Variants in MYO9A observed in about 807,000 individuals in gnomAD.
MYO9A encodes the protein myosin IXA, also known as unconventional myosin-IXa.
Under a neutral mutation model 293.3 loss-of-function variants are expected in MYO9A, and 103 were observed. The ratio of observed to expected loss-of-function variants is 0.35; its 90% CI spans 0.30 to 0.41. The LOEUF (loss-of-function observed/expected upper bound fraction) is 0.41. MYO9A is among the 10% of genes least tolerant of loss of function. The pLI is 1.00. For synonymous variants in MYO9A, 1,001 were observed against 1,035.7 expected, an observed-to-expected ratio of 0.97 and a Z score of 0.64; for missense variants, 2,685 against 3,033.0, an observed-to-expected ratio of 0.89 and a Z score of 2.69.
chr15:72,100,391 G>A (rs2080235399), intron 1 of MYO9A, among the ~76,000 whole-genome samples: 2 of 152,144 alleles, frequency 1.3e-5, no homozygotes, highest in African/African-American at 4.8e-5. Flanking sequence ...CCCCGTCTGG[G>A]AAGTGAGGAG....
intron 1 of MYO9A, among the ~76,000 whole-genome samples, chr15:72,064,262 G>C (rs942242115): frequency 1.3e-5 from 2 of 152,060 alleles, no homozygotes; most frequent in African/African-American, 4.8e-5. Context: ...ACAAAAGGGT[G>C]ACTACGGTCA....
intron 18 of MYO9A, among the ~76,000 whole-genome samples, chr15:71,925,755 G>A (rs2058295752): frequency 6.6e-6 from 1 of 151,986 alleles, no homozygotes; most frequent in South Asian, 2.1e-4. Context: ...TGTAGCTATA[G>A]ACATCACTTA....
chr15:72,038,555 T>C (rs906737088), intron 2 of MYO9A, among the ~76,000 whole-genome samples: 2 of 152,194 alleles, frequency 1.3e-5, no homozygotes, highest in African/African-American at 2.4e-5. Context: ...ACAGATCCAC[T>C]GACTGCTCCC....
intron 1 of MYO9A, among the ~76,000 whole-genome samples, chr15:72,075,920 A>G (rs2079335945): frequency 6.6e-6 from 1 of 152,222 alleles, no homozygotes; most frequent in East Asian, 1.9e-4. Context: ...TACTGTTACC[A>G]CTTCTGTTCA....
At chr15:72,099,420 CCCAAAAAAA>C (rs1476926484) in intron 1 of MYO9A, among the ~76,000 whole-genome samples, 12 of 27,848 alleles carry the variant, frequency 4.3e-4, no homozygotes, top group South Asian at 1.2e-3. Flanking sequence ...AAGACCCTGC[CCCAAAAAAA>C]AAAAAAAAAA....
chr15:71,852,334 A>T, intron 35 of MYO9A, 74 bp from the exon 36 acceptor site: 1 of 1,321,968 alleles, frequency 7.6e-7, no homozygotes, highest in Non-Finnish European at 1.0e-6. Context: ...TTTAGAAACT[A>T]TCATCATTAA....
At chr15:72,010,989 TTATATAGATC>T (rs1278191069) in intron 6 of MYO9A, among the ~76,000 whole-genome samples, 2 of 152,048 alleles carry the variant, frequency 1.3e-5, no homozygotes, top group Non-Finnish European at 2.9e-5. Flanking sequence ...TAATCTATAT[TTATATAGATC>T]TATATAGATA....
intron 18 of MYO9A, among the ~76,000 whole-genome samples, 199 bp downstream of exon 18, chr15:71,933,471 A>C (rs2058538266): frequency 6.6e-6 from 1 of 152,150 alleles, no homozygotes; most frequent in Non-Finnish European, 1.5e-5. Flanking sequence ...TATATCACAA[A>C]TAAATATTTA....
intron 18 of MYO9A, among the ~76,000 whole-genome samples, chr15:71,923,048 T>C (rs2058196478): frequency 6.6e-6 from 1 of 152,170 alleles, no homozygotes; most frequent in Admixed American, 6.5e-5. Context: ...TATGTTGAGG[T>C]ACATCTGTTC....
intron 2 of MYO9A, among the ~76,000 whole-genome samples, chr15:72,033,455 A>T (rs1348002671): frequency 6.6e-6 from 1 of 152,228 alleles, no homozygotes. Context: ...CGTCACCCAA[A>T]GTATGTACCT....
At chr15:71,872,144 T>C (rs2056533508) in intron 32 of MYO9A, among the ~76,000 whole-genome samples, 1 of 152,092 alleles carries the variant, frequency 6.6e-6, no homozygotes, top group African/African-American at 2.4e-5. Flanking sequence ...ATTGACACCA[T>C]TGCCTGTATC....
chr15:71,974,126 C>CA (rs35772609), intron 12 of MYO9A, among the ~76,000 whole-genome samples: 4,505 of 151,998 alleles, frequency 0.03, 106 homozygotes, highest in African/African-American at 0.062. Context: ...AAACAAAAAC[C>CA]AAAAAACAGA....
intron 1 of MYO9A, among the ~76,000 whole-genome samples, chr15:72,078,592 T>C (rs562702079): frequency 4.0e-5 from 6 of 149,816 alleles, no homozygotes; most frequent in East Asian, 2.0e-4. Flanking sequence ...GGTGGGAGAA[T>C]TGCTTGAGCC....
Position 71,888,062 on chromosome 15 carries a change from A to T in MYO9A, c.5197T>A (p.Ser1733Thr), listed in dbSNP as rs1454759139. 6.2e-7 allele frequency: 1 copy of T among 1,611,398 alleles called. No individual in the cohort carries two copies. Among genetic ancestry groups the T allele is most frequent in the Admixed American group, 1.7e-5 (1 of 59,744 alleles). The change falls in exon 27 of 42, where the codon TCT becomes ACT. Residue 1733 changes from serine (S) to threonine (T), a missense_variant. This residue lies in a region of MYO9A where 1,434 missense variants were observed against 1,497.7 expected (regional missense o/e 0.96). Transcript: ENST00000356056. Reference protein sequence around the residue: ...DEQAKLHKTMSQGEITKLAVR... With the variant: ...DEQAKLHKTMTQGEITKLAVR... ...GCCAACTTGGTAATCTCTCCTTGAG[A>T]CATAGTCTTATGAAGTTTTGCTTGT...
At chr15:72,020,781 C>T in intron 5 of MYO9A, 137 bp downstream of exon 5, 1 of 430,006 alleles carries the variant, frequency 2.3e-6, no homozygotes, top group Non-Finnish European at 4.0e-6. Context: ...ACTGCATCAC[C>T]TAAATTTGTA....
rs903686528 is a variant in MYO9A, at chr15:71,859,661, C to A, written c.6153+74G>T. ...CTCATCTGTAAAACTATCAAAAAGG[C>A]CTTAATTTATTTCCATAAGGCACAA... On this transcript the variant is annotated intron_variant, in intron 34 of 41. Transcript: ENST00000356056. 3.4e-5 allele frequency: 41 copies of A among 1,214,668 alleles called. No homozygotes were observed. In the African/African-American group the frequency reaches 5.0e-4, roughly 15 times the overall value. 75.2% of individuals were successfully genotyped at this position (1,214,668 alleles called of 1,614,324 possible).
intron 4 of MYO9A, 57 bp downstream of exon 4, chr15:72,027,674 T>G: frequency 1.5e-6 from 2 of 1,327,214 alleles, no homozygotes; most frequent in South Asian, 2.6e-5. Context: ...ACCTTAAAAG[T>G]CAGTCTGCGT....
intron 19 of MYO9A, among the ~76,000 whole-genome samples, chr15:71,905,272 T>G (rs1268502970): frequency 6.6e-6 from 1 of 152,200 alleles, no homozygotes; most frequent in African/African-American, 2.4e-5. Context: ...ATAGAATTTT[T>G]TTCACTTTTC....
In MYO9A at chr15:71,933,937, C is replaced by T. The variant is rs2929514; in HGVS notation, c.2523-228G>A. Among the ~76,000 whole-genome samples, 140,396 of 152,102 alleles carry T rather than the reference C, an allele frequency of 0.92. 65,192 individuals are homozygous for T. The highest frequency in any genetic ancestry group is 0.97 in the Non-Finnish European group (66,018 of 67,960). On this transcript the variant is annotated intron_variant, in intron 17 of 41. Transcript: ENST00000356056. The stretch of plus-strand genomic sequence containing the variant: ...ACCTGCCTTGTTATATAAGTATAAA[C>T]AGATTTACACCTGATGATTAGTAAC...
Sources: gnomAD v4.1 joint callset for allele counts (sites outside exome capture counted in the v4.1 genomes callset) on GRCh38, gnomAD v4.1.1 for gene constraint, gnomAD v4.1.1 regional missense constraint, MANE v1.5 for transcripts, NCBI Gene and HGNC (gene_info 2026-07-23, HGNC 2026-07-21) for gene names.